Variants in SH3BGRL2 observed in about 807,000 individuals in gnomAD.
SH3BGRL2 encodes the protein SH3 domain-binding glutamic acid-rich-like protein 2.
A neutral mutation model predicts 14.8 loss-of-function variants in SH3BGRL2; 21 were observed. That is an observed-to-expected ratio of 1.42 (90% confidence interval 1.01 to 2.05). The LOEUF (loss-of-function observed/expected upper bound fraction) is 2.05, where lower values mean the gene tolerates loss of function less well. SH3BGRL2 is among the 30% of genes most tolerant of loss of function. The pLI is 0.00. For missense variants in SH3BGRL2, 147 were observed against 130.8 expected (o/e 1.12, Z -0.61); for synonymous variants, 50 against 47.8 (o/e 1.05, Z -0.19).
At chr6:79,560,314 C>G in the SH3BGRL2 span, among the ~76,000 whole-genome samples, 1 of 152,138 alleles carries the variant, frequency 6.6e-6, no homozygotes, top group Non-Finnish European at 1.5e-5. Context: ...AACCTACCAA[C>G]AGTAGAAGGA....
At chr6:79,631,561 GGAGGCGCGCGGCGCTCGTCACTGCGC>G (rs1368091906) in intron 1 of SH3BGRL2, 55 bp downstream of exon 1, 1 of 1,326,338 alleles carries the variant, frequency 7.5e-7, no homozygotes, top group Non-Finnish European at 9.8e-7. Context: ...GGGTCCTGCG[GGAGGCGCGCGGCGCTCGTCACTGCGC>G]GTCCTTGCGC....
chr6:79,688,240 T>C (rs1770141449), intron 2 of SH3BGRL2, among the ~76,000 whole-genome samples: 1 of 152,040 alleles, frequency 6.6e-6, no homozygotes, highest in African/African-American at 2.4e-5. Context: ...ACTGTTCAGG[T>C]TGCTATATTC....
chr6:79,604,563 C>T, the SH3BGRL2 span, among the ~76,000 whole-genome samples: 1 of 152,320 alleles, frequency 6.6e-6, no homozygotes, highest in Admixed American at 6.5e-5. Flanking sequence ...AATCCATCTT[C>T]CTGGGGGCAG....
intron 1 of SH3BGRL2, among the ~76,000 whole-genome samples, chr6:79,664,520 A>G (rs1307961934): frequency 6.6e-6 from 1 of 152,202 alleles, no homozygotes; most frequent in Non-Finnish European, 1.5e-5. Context: ...TAGAACATTA[A>G]TAAAGCCAAC....
At chr6:79,650,552 A>G (rs779753765) in intron 1 of SH3BGRL2, among the ~76,000 whole-genome samples, 5 of 152,204 alleles carry the variant, frequency 3.3e-5, no homozygotes, top group South Asian at 2.1e-4. Context: ...GAAAGCATCT[A>G]TTCATGCCAG....
intron 2 of SH3BGRL2, among the ~76,000 whole-genome samples, chr6:79,683,769 A>G (rs1191658389): frequency 1.3e-5 from 2 of 152,156 alleles, no homozygotes; most frequent in Non-Finnish European, 2.9e-5. Context: ...CTTAGCTCAC[A>G]GTCCCTTCCG....
chr6:79,591,235 TA>T, the SH3BGRL2 span, among the ~76,000 whole-genome samples: 6 of 152,226 alleles, frequency 3.9e-5, no homozygotes, highest in Non-Finnish European at 7.3e-5. Flanking sequence ...AGGAGTATTT[TA>T]TAATAGTCAA....
At chr6:79,619,272 T>C in the SH3BGRL2 span, among the ~76,000 whole-genome samples, 1 of 152,252 alleles carries the variant, frequency 6.6e-6, no homozygotes, top group East Asian at 1.9e-4. Context: ...TATGTATAAT[T>C]TCCTTCCCTT....
chr6:79,553,575 A>G, the SH3BGRL2 span, among the ~76,000 whole-genome samples: 2 of 152,210 alleles, frequency 1.3e-5, no homozygotes, highest in Non-Finnish European at 1.5e-5. Flanking sequence ...TAATGAACAG[A>G]CACCATCAGA....
At chr6:79,604,768 C>T in the SH3BGRL2 span, among the ~76,000 whole-genome samples, 5,246 of 152,234 alleles carry the variant, frequency 0.034, 283 homozygotes, top group African/African-American at 0.12. Flanking sequence ...TGAGCACACA[C>T]AGAAACATGG....
chr6:79,652,698 A>G (rs1769319636), intron 1 of SH3BGRL2, among the ~76,000 whole-genome samples: 1 of 152,052 alleles, frequency 6.6e-6, no homozygotes. Flanking sequence ...ACCTAGCAGT[A>G]AGGAGGGGGG....
At chr6:79,645,525 C>A (rs1231484569) in intron 1 of SH3BGRL2, among the ~76,000 whole-genome samples, 2 of 152,174 alleles carry the variant, frequency 1.3e-5, no homozygotes, top group Non-Finnish European at 2.9e-5. Flanking sequence ...AGCCCCTCAT[C>A]ATTCTCACCA....
chr6:79,689,730 G>A (rs184740691), intron 2 of SH3BGRL2, among the ~76,000 whole-genome samples: 97 of 151,964 alleles, frequency 6.4e-4, no homozygotes, highest in Admixed American at 6.3e-3. Context: ...TATGATTTGG[G>A]GCATTGGGAT....
At chr6:79,615,902 C>T in the SH3BGRL2 span, among the ~76,000 whole-genome samples, 2 of 142,778 alleles carry the variant, frequency 1.4e-5, no homozygotes, top group Non-Finnish European at 3.0e-5. Context: ...GTGCAATCTC[C>T]GCCTCCCAGG....
At chr6:79,573,958 T>C in the SH3BGRL2 span, 1 of 152,228 alleles carries the variant, frequency 6.6e-6, no homozygotes, top group African/African-American at 2.4e-5. Context: ...ATTCTCTAAT[T>C]ACTAGGTACA....
At chr6:79,683,694 G>T (rs1377064200) in intron 2 of SH3BGRL2, among the ~76,000 whole-genome samples, 1 of 152,070 alleles carries the variant, frequency 6.6e-6, no homozygotes, top group South Asian at 2.1e-4. Context: ...TGATCTGCCC[G>T]CCTTGGCCTC....
the SH3BGRL2 span, among the ~76,000 whole-genome samples, chr6:79,559,550 A>G: frequency 2.0e-5 from 3 of 152,222 alleles, no homozygotes; most frequent in African/African-American, 4.8e-5. Context: ...ATAGAGACTA[A>G]AGAGACATGA....
At chr6:79,619,228 G>C in the SH3BGRL2 span, among the ~76,000 whole-genome samples, 748 of 151,972 alleles carry the variant, frequency 4.9e-3, 3 homozygotes, top group Non-Finnish European at 8.5e-3. Flanking sequence ...CAATTATTTT[G>C]TCTCTTTTTG....
the SH3BGRL2 span, among the ~76,000 whole-genome samples, chr6:79,624,299 TATC>T: frequency 2.0e-5 from 3 of 149,852 alleles, no homozygotes; most frequent in Admixed American, 6.7e-5. Flanking sequence ...ATCTATATAT[TATC>T]ATAATACATA....
Sources: gnomAD v4.1 joint callset for allele counts (sites outside exome capture counted in the v4.1 genomes callset) on GRCh38, gnomAD v4.1.1 for gene constraint, MANE v1.5 for transcripts, NCBI Gene and HGNC (gene_info 2026-07-23, HGNC 2026-07-21) for gene names.